The following XKR5 variants were observed in gnomAD, a reference collection of about 807,000 sequenced individuals.
XKR5 encodes XK-related protein 5.
A neutral mutation model predicts 40.8 loss-of-function variants in XKR5; 46 were observed. The observed-to-expected ratio is 1.13, with a 90% CI of 0.89 to 1.44. XKR5 has a LOEUF of 1.44. Among genes scored for constraint, XKR5 ranks in the 40% most tolerant of loss-of-function variants. The probability of loss-of-function intolerance (pLI) is 0.00; values close to 1 mark genes in which losing one functional copy is unlikely to be tolerated. For missense variants in XKR5, 1,169 were observed against 844.7 expected (o/e 1.38, Z -4.76); for synonymous variants, 466 against 356.1 (o/e 1.31, Z -3.48).
In XKR5 at chr8:6,810,340, T is replaced by G. The variant is rs1803623231; in HGVS notation, c.*858A>C. On this transcript the variant is annotated 3_prime_UTR_variant, in exon 7 of 7. Coordinates refer to ENST00000618742, the MANE Select transcript of XKR5 (RefSeq NM_207411.5). ...GAGGAATGGACGTTTCCTCCCTTCT[T>G]TTTGGATGGGCTTAAATCATGGATA... 1 of 152,206 alleles carries G rather than the reference T, an allele frequency of 6.6e-6. No homozygotes were observed. The highest frequency in any genetic ancestry group is 1.5e-5 in the Non-Finnish European group (1 of 68,030). The allele number at this position is 152,206 out of a possible 1,614,324, so 9.4% of individuals were successfully genotyped here.
At chr8:6,830,125 C>T (rs577661791) in intron 2 of XKR5, among the ~76,000 whole-genome samples, 2 of 152,154 alleles carry the variant, frequency 1.3e-5, no homozygotes, top group African/African-American at 4.8e-5. Context: ...GCGTGAGCCA[C>T]CGCGCCAGGC....
intron 6 of XKR5, among the ~76,000 whole-genome samples, chr8:6,814,314 A>C (rs1237807450): frequency 6.6e-6 from 1 of 152,208 alleles, no homozygotes; most frequent in East Asian, 1.9e-4. Flanking sequence ...TCAGCCATCA[A>C]AAGCAAGGAG....
intron 5 of XKR5, among the ~76,000 whole-genome samples, chr8:6,819,402 C>T (rs1375342303): frequency 6.6e-6 from 1 of 152,244 alleles, no homozygotes; most frequent in South Asian, 2.1e-4. Context: ...ACTGTGGCCT[C>T]AGGCTTCCAA....
chr8:6,823,170 C>G (rs750983356), intron 4 of XKR5, among the ~76,000 whole-genome samples: 3 of 152,214 alleles, frequency 2.0e-5, no homozygotes, highest in Non-Finnish European at 4.4e-5. Context: ...GAGCTGCAGT[C>G]TAGTCCTCCA....
At chr8:6,835,210 G>C (rs1458207516) in intron 1 of XKR5, among the ~76,000 whole-genome samples, 2 of 151,960 alleles carry the variant, frequency 1.3e-5, no homozygotes, top group Non-Finnish European at 2.9e-5. Flanking sequence ...CATGGGTGGA[G>C]GAAAATCATG....
chr8:6,820,425 G>C (rs1370402154), intron 5 of XKR5, among the ~76,000 whole-genome samples: 2 of 152,266 alleles, frequency 1.3e-5, no homozygotes, highest in African/African-American at 4.8e-5. Flanking sequence ...ACTCCTGGGA[G>C]ATGACACGGC....
chr8:6,833,093 G>C (rs1000007943), intron 1 of XKR5, among the ~76,000 whole-genome samples, 193 bp from the exon 2 acceptor site: 1 of 152,172 alleles, frequency 6.6e-6, no homozygotes, highest in Non-Finnish European at 1.5e-5. Context: ...CCAGGAGCTT[G>C]CCTTTGACAT....
chr8:6,824,584 G>T (rs534133896), intron 3 of XKR5, among the ~76,000 whole-genome samples: 1 of 152,224 alleles, frequency 6.6e-6, no homozygotes, highest in South Asian at 2.1e-4. Flanking sequence ...GGACTGGAAT[G>T]CAGTGATGCA....
At position 6,833,260 on chromosome 8, in the gene XKR5, C is replaced by G. The variant is rs115891476; in HGVS notation, c.59-360G>C. Reference sequence around the variant, plus strand: ...CACAGAAATTATTCAAAGGGCTAATCTGAAGCTGGTGCTCTGCCCTAGCAA... The same window carrying G: ...CACAGAAATTATTCAAAGGGCTAATGTGAAGCTGGTGCTCTGCCCTAGCAA... On this transcript the variant is annotated intron_variant, in intron 1 of 6. Transcript: ENST00000618742. Among the ~76,000 whole-genome samples, 952 of 152,352 alleles carry G rather than the reference C, an allele frequency of 6.2e-3. 13 individuals are homozygous for G. The highest frequency in any genetic ancestry group is 0.021 in the African/African-American group (890 of 41,576).
chr8:6,822,730 C>T (rs973836917), intron 4 of XKR5, among the ~76,000 whole-genome samples: 2 of 152,218 alleles, frequency 1.3e-5, no homozygotes, highest in Non-Finnish European at 2.9e-5. Context: ...CAGGGACACA[C>T]AGGCCCTATT....
At chr8:6,830,058 G>C (rs568001766) in intron 2 of XKR5, among the ~76,000 whole-genome samples, 10 of 151,808 alleles carry the variant, frequency 6.6e-5, no homozygotes, top group South Asian at 2.1e-4. Context: ...AGGATGGTCT[G>C]GATCTCCTGA....
intron 6 of XKR5, among the ~76,000 whole-genome samples, chr8:6,812,563 C>T (rs1247003590): frequency 6.6e-6 from 1 of 152,200 alleles, no homozygotes; most frequent in South Asian, 2.1e-4. Flanking sequence ...AATAACAAGG[C>T]TTAAATCCGA....
At chr8:6,823,426 G>A in intron 4 of XKR5, 95 bp downstream of exon 4, 2 of 1,347,290 alleles carry the variant, frequency 1.5e-6, no homozygotes, top group Admixed American at 2.0e-5. Context: ...CTTCAGGCCT[G>A]GGATTGAGGA....
chr8:6,809,750 A>T lies in XKR5; in HGVS notation c.*1448T>A, dbSNP rs1803596059. ...AGTATGTGTCAGGCTGAGCTAAGTT[A>T]TTCTACTATTCCTTTTTAGAGCTCT... On this transcript the variant is annotated 3_prime_UTR_variant, in exon 7 of 7. Coordinates refer to ENST00000618742, the MANE Select transcript of XKR5 (RefSeq NM_207411.5). 6.6e-6 allele frequency: 1 copy of T among 152,202 alleles called. No individual in the cohort carries two copies. The highest frequency in any genetic ancestry group is 6.5e-5 in the Admixed American group (1 of 15,280). 9.4% of individuals were successfully genotyped at this position (152,202 alleles called of 1,614,324 possible). A position where few individuals can be genotyped will look rare whatever the true frequency, so the allele number is the denominator to read the frequency against.
At position 6,810,608 on chromosome 8, in the gene XKR5, C is replaced by T. The variant is rs2117071523; in HGVS notation, c.*590G>A. 6.6e-6 allele frequency: 1 copy of T among 152,412 alleles called. No homozygotes were observed. The highest frequency in any genetic ancestry group is 2.1e-4 in the South Asian group (1 of 4,822). 9.4% of individuals were successfully genotyped at this position (152,412 alleles called of 1,614,324 possible). A position where few individuals can be genotyped will look rare whatever the true frequency, so the allele number is the denominator to read the frequency against. ...TGAGGCTGAGCTAAGTGAGTCTACC[C>T]TTCCTTTTTAAAAGCTCTAATATTG... On this transcript the variant is annotated 3_prime_UTR_variant, in exon 7 of 7. Coordinates refer to ENST00000618742, the MANE Select transcript of XKR5 (RefSeq NM_207411.5).
Position 6,818,177 on chromosome 8 carries a change from C to T in XKR5, c.808-2259G>A, listed in dbSNP as rs541192969. On this transcript the variant is annotated intron_variant, in intron 5 of 6. Transcript: ENST00000618742. ...TTTTCCCTCGGACGCTGTGCGCACTCACTTTCCTGTGGATTTCCAGACACT... is the reference window on the plus strand; with the variant it reads ...TTTTCCCTCGGACGCTGTGCGCACTTACTTTCCTGTGGATTTCCAGACACT... Among the ~76,000 whole-genome samples the T allele has an allele frequency of 4.6e-5, 7 of 152,348 alleles. No individual in the cohort carries two copies. The South Asian group carries it at 1.5e-3, about 32-fold the overall frequency.
rs754682550 is a variant in XKR5 at position 6,823,626 on chromosome 8, C to T, written c.532G>A (p.Ala178Thr). 1.2e-5 allele frequency: 19 copies of T among 1,592,894 alleles called. No individual in the cohort carries two copies. The highest frequency in any genetic ancestry group is 2.7e-5 in the African/African-American group (2 of 74,500). The change falls in exon 4 of 7, where the codon GCC (alanine) becomes ACC (threonine). Residue 178 changes from alanine (A) to threonine (T), a missense_variant. By Grantham distance (58) the Ala-to-Thr change is moderately conservative. Coordinates refer to ENST00000618742, the MANE Select transcript of XKR5 (RefSeq NM_207411.5). ...KPGHLAMPWA[A>T]LFCQQLWRMG... ...CTCCAGAGCTGCTGGCAGAAGAGGG[C>T]GGCCCATGGCATGGCCAGGTGGCCT...
rs192407214 is a variant in XKR5 at position 6,821,690 on chromosome 8, G to A, written c.807+179C>T. On this transcript the variant is annotated intron_variant, in intron 5 of 6. Transcript: ENST00000618742. ...TGGAGGTTGGGTTACTATTTTCAAA[G>A]CCTGTCATCTCTGTTCAAGACTATC... 5.7e-4 allele frequency among the ~76,000 whole-genome samples: 87 copies of A among 152,220 alleles called. 1 individual carries two copies. Among genetic ancestry groups the A allele is most frequent in the Middle Eastern group, 6.8e-3 (2 of 294 alleles).
At chr8:6,820,571 G>A (rs1242462812) in intron 5 of XKR5, among the ~76,000 whole-genome samples, 2 of 133,010 alleles carry the variant, frequency 1.5e-5, no homozygotes, top group African/African-American at 5.6e-5. Flanking sequence ...CAAATTGGAT[G>A]AGAAAATCAA....
Sources: allele counts gnomAD v4.1 joint callset (sites outside exome capture counted in the v4.1 genomes callset), GRCh38; gene constraint gnomAD v4.1.1; transcripts MANE v1.5; gene names NCBI Gene and HGNC (gene_info 2026-07-23, HGNC 2026-07-21).